AHDC1: variants seen among roughly 807,000 people sequenced by gnomAD.
The protein encoded by AHDC1 is transcription factor Gibbin.
Under a neutral mutation model 87.9 loss-of-function variants are expected in AHDC1, and 7 were observed. The observed-to-expected ratio is 0.08, with a 90% CI of 0.05 to 0.15. The LOEUF (loss-of-function observed/expected upper bound fraction) is 0.15, where lower values mean the gene tolerates loss of function less well. AHDC1 is among the 10% of genes least tolerant of loss of function. The pLI is 1.00. For synonymous variants in AHDC1, 1,051 were observed against 1,006.8 expected (o/e 1.04, Z -0.83); for missense variants, 1,841 against 2,253.2 (o/e 0.82, Z 3.70).
rs1571261846 is a variant in AHDC1 at position 27,558,615 on chromosome 1, G to C, written c.-450-85C>G. 1 of 397,736 alleles carries C rather than the reference G, an allele frequency of 2.5e-6. No homozygotes were observed. Among genetic ancestry groups the C allele is most frequent in the Non-Finnish European group, 4.4e-6 (1 of 225,964 alleles). The allele number at this position is 397,736 out of a possible 1,614,324, so 24.6% of individuals were successfully genotyped here. A position where few individuals can be genotyped will look rare whatever the true frequency, so the allele number is the denominator to read the frequency against. On this transcript the variant is annotated intron_variant, in intron 4 of 8. Transcript: ENST00000673934. This position sits in a 1 kb window ranked among gnomAD's most constrained non-coding sequence, Gnocchi z 5.6. ...CTCTTTTTGACCTAAGCTGGGAGGG[G>C]ATCCCTGTTGGGACTGGGAGGCAAG... is the stretch of plus-strand genomic sequence containing the variant.
At chr1:27,591,334 G>T (rs1041028842) in intron 3 of AHDC1, among the ~76,000 whole-genome samples, 3 of 152,200 alleles carry the variant, frequency 2.0e-5, no homozygotes, top group African/African-American at 7.2e-5. Context: ...CTTTCAAGAG[G>T]CCAGGAGACC....
chr1:27,574,386 T>C (rs1246090520), intron 3 of AHDC1, among the ~76,000 whole-genome samples: 1 of 133,078 alleles, frequency 7.5e-6, no homozygotes, highest in African/African-American at 3.8e-5. Flanking sequence ...TTTCCCACCC[T>C]TACTATGTGC....
intron 3 of AHDC1, among the ~76,000 whole-genome samples, chr1:27,570,549 A>G (rs1252977612): frequency 6.6e-6 from 1 of 152,064 alleles, no homozygotes; most frequent in Non-Finnish European, 1.5e-5. Context: ...TGACCCAGCC[A>G]AAAACCTAGC....
intron 3 of AHDC1, among the ~76,000 whole-genome samples, chr1:27,559,528 C>T (rs1202382818): frequency 1.3e-5 from 2 of 152,170 alleles, no homozygotes; most frequent in Non-Finnish European, 2.9e-5. Context: ...AGTCAGTTAA[C>T]TTTTCTGGCT....
At position 27,598,810 on chromosome 1, in the gene AHDC1, C is replaced by G. The variant is rs1270893739; in HGVS notation, c.-629+4587G>C. On this transcript the variant is annotated intron_variant, in intron 3 of 8. Transcript: ENST00000673934. The surrounding 1 kb of genome is among the most constrained non-coding windows in gnomAD (Gnocchi z 4.2). ...TGCATCCCAGTGCTCACCGCCTGCC[C>G]AAGCCCCCCAACACCAGCATCCACC... Among the ~76,000 whole-genome samples, 2 of 152,190 alleles carry G rather than the reference C, an allele frequency of 1.3e-5. No homozygotes were observed. The highest frequency in any genetic ancestry group is 3.9e-4 in the East Asian group (2 of 5,194).
In AHDC1 at chr1:27,548,353, C is replaced by T; in HGVS notation, c.3763G>A (p.Ala1255Thr). 3 of 1,606,396 alleles carry T rather than the reference C, an allele frequency of 1.9e-6. No homozygotes were observed. The highest frequency in any genetic ancestry group is 2.6e-6 in the Non-Finnish European group (3 of 1,174,570). Residue 1255 changes from alanine (A) to threonine (T), a missense_variant, in exon 8 of 9, where the codon GCC (alanine) becomes ACC (threonine). Transcript: ENST00000673934. ...TTGGATGGGTAGCCTGAGGCAGCGG[C>T]AGAGGCGGATGTCGGGAAGCCCAGA... is the stretch of plus-strand genomic sequence containing the variant. Reference protein sequence around the residue: ...SHLGFPTSASAAASGYPSKRS... With the variant: ...SHLGFPTSASTAASGYPSKRS...
chr1:27,573,445 T>C (rs530656346), intron 3 of AHDC1, among the ~76,000 whole-genome samples: 1 of 152,302 alleles, frequency 6.6e-6, no homozygotes, highest in Non-Finnish European at 1.5e-5. Context: ...GAAAGGCTTT[T>C]CTGAGGCAGA....
rs746053039 is a variant in AHDC1 at position 27,549,933 on chromosome 1, C to A, written c.2183G>T (p.Arg728Leu). The A allele has an allele frequency of 5.0e-6, 8 of 1,613,474 alleles. No homozygotes were observed. Among genetic ancestry groups the A allele is most frequent in the Non-Finnish European group, 6.8e-6 (8 of 1,179,796 alleles). Residue 728 changes from arginine to leucine, a missense_variant, in exon 8 of 9, where the codon CGG (arginine) becomes CTG (leucine). Physicochemically the swap from Arg to Leu is moderately radical, Grantham distance 102. Around this residue, in one of 13 missense-constraint regions of AHDC1, gnomAD observed 236 missense variants for 257.9 expected, o/e 0.92. Coordinates refer to ENST00000673934, the MANE Select transcript of AHDC1 (RefSeq NM_001371928.1). ...CCCAGTCACAGCGTCTACCTCCCCCCGGCCCCGTTTGCGTGGGTGCCCCAA... is the reference window on the plus strand; with the variant it reads ...CCCAGTCACAGCGTCTACCTCCCCCAGGCCCCGTTTGCGTGGGTGCCCCAA... Reference protein sequence around the residue: ...TELGHPRKRGRGEVDAVTGKP... With the variant: ...TELGHPRKRGLGEVDAVTGKP...
chr1:27,599,856 G>C (rs1419018453), intron 3 of AHDC1, among the ~76,000 whole-genome samples: 3 of 151,872 alleles, frequency 2.0e-5, no homozygotes, highest in South Asian at 4.2e-4. Flanking sequence ...GAAAACCCTG[G>C]AATCTGTCTC....
At chr1:27,536,724 G>T (rs1443151770) in intron 8 of AHDC1, among the ~76,000 whole-genome samples, 1 of 152,104 alleles carries the variant, frequency 6.6e-6, no homozygotes, top group Admixed American at 6.5e-5. Context: ...GGTGTTGGGG[G>T]TGACAAGGGA....
rs1189469180 is a variant in AHDC1, at chr1:27,598,480, G to A, written c.-629+4917C>T. 7.2e-5 allele frequency among the ~76,000 whole-genome samples: 11 copies of A among 152,198 alleles called. No homozygotes were observed. The highest frequency in any genetic ancestry group is 7.2e-4 in the Admixed American group (11 of 15,292). On this transcript the variant is annotated intron_variant, in intron 3 of 8. Transcript: ENST00000673934. The surrounding 1 kb of genome is among the most constrained non-coding windows in gnomAD (Gnocchi z 4.2). The stretch of plus-strand genomic sequence containing the variant: ...GAGGGGCCAGGAGAGGCCAGGCCTT[G>A]GGCGAAGGAGGGGCTGGGAGCCAGG...
intron 8 of AHDC1, among the ~76,000 whole-genome samples, chr1:27,537,116 G>A (rs1014270922): frequency 3.3e-5 from 5 of 152,202 alleles, no homozygotes; most frequent in Non-Finnish European, 5.9e-5. Flanking sequence ...GCGGGGGAGG[G>A]GGGAAATCAA....
chr1:27,552,293 TCTC>T, intron 7 of AHDC1, 104 bp from the exon 8 acceptor site: 1 of 1,135,648 alleles, frequency 8.8e-7, no homozygotes, highest in Non-Finnish European at 1.1e-6. Context: ...TGAGGTCTCA[TCTC>T]CTTACCAAGC....
chr1:27,559,060 T>A (rs2148333852), intron 3 of AHDC1, among the ~76,000 whole-genome samples, 177 bp from the exon 4 acceptor site: 2 of 151,812 alleles, frequency 1.3e-5, no homozygotes, highest in Admixed American at 1.3e-4. Context: ...AAAAAAAAAA[T>A]AAGAGAGACA....
chr1:27,583,145 G>C (rs1392916021), intron 3 of AHDC1, among the ~76,000 whole-genome samples: 1 of 152,214 alleles, frequency 6.6e-6, no homozygotes, highest in Non-Finnish European at 1.5e-5. Flanking sequence ...TGGGATTACA[G>C]GCGTGAGCCA....
At chr1:27,589,149 G>A (rs751886237) in intron 3 of AHDC1, among the ~76,000 whole-genome samples, 3 of 152,088 alleles carry the variant, frequency 2.0e-5, no homozygotes, top group Non-Finnish European at 4.4e-5. Context: ...TGACAGAGCA[G>A]AAGATTCCTC....
chr1:27,591,999 T>G lies in AHDC1; in HGVS notation c.-629+11398A>C, dbSNP rs139794532. On this transcript the variant is annotated intron_variant, in intron 3 of 8. Coordinates refer to ENST00000673934, the MANE Select transcript of AHDC1 (RefSeq NM_001371928.1). ...CGACCTGGCTGGAGGCGATCCAGCT[T>G]CATCCTTGAGCCAGGTCAGGACCCC... Among the ~76,000 whole-genome samples, 324 of 152,274 alleles carry G rather than the reference T, an allele frequency of 2.1e-3. 2 individuals are homozygous for G. The highest frequency in any genetic ancestry group is 7.4e-3 in the African/African-American group (307 of 41,546).
In AHDC1 at chr1:27,595,740, C is replaced by CCA. The variant is rs1286985369; in HGVS notation, c.-629+7655_-629+7656dup. On this transcript the variant is annotated intron_variant, in intron 3 of 8. Transcript: ENST00000673934. The surrounding 1 kb of genome is among the most constrained non-coding windows in gnomAD (Gnocchi z 4.0). ...ATGGGTCTCTGATATCAGAGATGTG[C>CCA]CACAGGCTATCGTCCGTGCATGCAC... is the stretch of plus-strand genomic sequence containing the variant. Among the ~76,000 whole-genome samples, 1 of 151,924 alleles carries CCA rather than the reference C, an allele frequency of 6.6e-6. No individual in the cohort carries two copies. The highest frequency in any genetic ancestry group is 1.5e-5 in the Non-Finnish European group (1 of 67,950).
At position 27,561,942 on chromosome 1, in the gene AHDC1, A is replaced by G. The variant is rs886721949; in HGVS notation, c.-628-3059T>C. Among the ~76,000 whole-genome samples, 1 of 151,650 alleles carries G rather than the reference A, an allele frequency of 6.6e-6. No homozygotes were observed. Among genetic ancestry groups the G allele is most frequent in the African/African-American group, 2.4e-5 (1 of 41,220 alleles). The stretch of plus-strand genomic sequence containing the variant: ...TGAGACCTTGTCAGAGGCTGAGGGG[A>G]GGGGGTAGCTCAGGCCCAGAGTGAG... On this transcript the variant is annotated intron_variant, in intron 3 of 8. Coordinates refer to ENST00000673934, the MANE Select transcript of AHDC1 (RefSeq NM_001371928.1). The surrounding 1 kb of genome is among the most constrained non-coding windows in gnomAD (Gnocchi z 4.2).
Sources: gnomAD v4.1 joint callset for allele counts (sites outside exome capture counted in the v4.1 genomes callset) on GRCh38, gnomAD v4.1.1 for gene constraint, gnomAD v4.1.1 regional missense constraint, Gnocchi (gnomAD v3.1) non-coding constraint, MANE v1.5 for transcripts, NCBI Gene and HGNC (gene_info 2026-07-23, HGNC 2026-07-21) for gene names.